Variants in METTL6 observed in about 807,000 individuals in gnomAD.
The protein encoded by METTL6 is methyltransferase 6, tRNA N3-cytidine.
A neutral mutation model predicts 26.4 loss-of-function variants in METTL6; 22 were observed. The observed-to-expected ratio is 0.83, with a 90% CI of 0.59 to 1.19. METTL6 has a LOEUF of 1.19. Ranked by LOEUF, METTL6 falls within the 50% of genes most tolerant of loss-of-function variation. The probability of loss-of-function intolerance (pLI) is 0.00; values close to 1 mark genes in which losing one functional copy is unlikely to be tolerated. For synonymous variants in METTL6, 109 were observed against 116.2 expected (o/e 0.94, Z 0.40); for missense variants, 304 against 324.8 (o/e 0.94, Z 0.49).
At chr3:15,387,083 C>A (rs547329414) in intron 6 of METTL6, among the ~76,000 whole-genome samples, 3 of 152,298 alleles carry the variant, frequency 2.0e-5, no homozygotes, top group East Asian at 1.9e-4. Flanking sequence ...CAAGCATGAG[C>A]CATGGTGCCC....
At chr3:15,422,119 A>T (rs576622514) in intron 3 of METTL6, among the ~76,000 whole-genome samples, 1 of 151,824 alleles carries the variant, frequency 6.6e-6, no homozygotes, top group South Asian at 2.1e-4. Context: ...TGAGCCCAGG[A>T]GTTTGAGAAC....
At position 15,387,713 on chromosome 3, in the gene METTL6, G is replaced by C. The variant is rs909948805; in HGVS notation, c.*12-3526C>G. ...ATTTGAGAGGGGAGTGAGGAGATGG[G>C]GAATATAGGTAATTCTGTTGAGGTA... On this transcript the variant is annotated intron_variant, in intron 6 of 6. Coordinates refer to the METTL6 transcript ENST00000443029. Among the ~76,000 whole-genome samples, 9 of 152,228 alleles carry C rather than the reference G, an allele frequency of 5.9e-5. No individual in the cohort carries two copies. The South Asian group carries it at 6.2e-4, about 11-fold the overall frequency.
At chr3:15,399,544 T>TTGTGTGTGTGTGTGTGTGTGTG (rs34014434) in intron 6 of METTL6, 1 of 118,470 alleles carries the variant, frequency 8.4e-6, no homozygotes, top group African/African-American at 3.3e-5. Flanking sequence ...CCAGGAGAAA[T>TTGTGTGTGTGTGTGTGTGTGTG]TGTGTGTGTG....
At chr3:15,386,684 T>C (rs1333834715) in intron 6 of METTL6, among the ~76,000 whole-genome samples, 4 of 152,206 alleles carry the variant, frequency 2.6e-5, no homozygotes, top group East Asian at 1.9e-4. Flanking sequence ...AGGAAGGTCA[T>C]ACACCCATTA....
intron 2 of METTL6, 51 bp downstream of exon 2, chr3:15,426,236 C>G (rs1378921830): frequency 6.4e-7 from 1 of 1,566,656 alleles, no homozygotes; most frequent in African/African-American, 1.4e-5. Flanking sequence ...ATGGCACCCT[C>G]TTCACATTTT....
chr3:15,411,368 G>T lies in METTL6; in HGVS notation c.743C>A (p.Thr248Lys). The change falls in exon 6 of 6, where the codon ACG becomes AAG. Residue 248 changes from threonine to lysine, a missense_variant. Coordinates refer to ENST00000383790, the MANE Select transcript of METTL6 (RefSeq NM_152396.4). Reference sequence around the variant, plus strand: ...ACACAGGCCTTCTTTTTTATTCACCGTCTCTCGAAACACATACTCGTTTAC... The same window carrying T: ...ACACAGGCCTTCTTTTTTATTCACCTTCTCTCGAAACACATACTCGTTTAC... ...EVVNEYVFRE[T>K]VNKKEGLCVP... is the part of the protein sequence containing the mutation. 5 of 1,614,108 alleles carry T rather than the reference G, an allele frequency of 3.1e-6. No homozygotes were observed. Among genetic ancestry groups the T allele is most frequent in the Non-Finnish European group, 4.2e-6 (5 of 1,180,008 alleles).
Position 15,425,057 on chromosome 3 carries a change from A to G in METTL6, c.258T>C (p.Ala86=), listed in dbSNP as rs2061687693. 2 of 1,614,116 alleles carry G rather than the reference A, an allele frequency of 1.2e-6. No individual in the cohort carries two copies. Among genetic ancestry groups the G allele is most frequent in the African/African-American group, 2.7e-5 (2 of 74,946 alleles). ...FEDQKLTMLE[A]GCGVGNCLFP... is the part of the protein sequence containing the mutation. ...ATAAACAGTTTCCAACCCCACAGCC[A>G]GCTTCAAGCATTGTTAACTTTTGAT... The change falls in exon 3 of 6, where the codon GCT becomes GCC. Residue 86 remains alanine, a synonymous_variant. Transcript: ENST00000383790.
chr3:15,420,610 T>C (rs2061589509), intron 3 of METTL6, among the ~76,000 whole-genome samples: 1 of 152,220 alleles, frequency 6.6e-6, no homozygotes, highest in Non-Finnish European at 1.5e-5. Flanking sequence ...CACTGTACCT[T>C]ATGTCCATGC....
chr3:15,420,026 T>C (rs1328062565), intron 3 of METTL6, among the ~76,000 whole-genome samples: 3 of 152,064 alleles, frequency 2.0e-5, no homozygotes, highest in African/African-American at 7.2e-5. Context: ...CATGCCCGGC[T>C]AATTTTTGTA....
intron 3 of METTL6, among the ~76,000 whole-genome samples, chr3:15,420,666 T>G (rs1057269987): frequency 6.6e-6 from 1 of 152,186 alleles, no homozygotes; most frequent in African/African-American, 2.4e-5. Context: ...GAAGGACAAA[T>G]GAGCCCTAAT....
chr3:15,385,212 C>T (rs1559475897), intron 6 of METTL6, among the ~76,000 whole-genome samples: 1 of 152,236 alleles, frequency 6.6e-6, no homozygotes, highest in Non-Finnish European at 1.5e-5. Flanking sequence ...CCATTATCTT[C>T]ATGTTCCTGG....
rs961209111 is a variant in METTL6, at chr3:15,389,840, G to A, written c.*12-5653C>T. On this transcript the variant is annotated intron_variant, in intron 6 of 6. Coordinates refer to the METTL6 transcript ENST00000443029. Reference sequence around the variant, plus strand: ...TGGGATTACAGGCATACGCCACCGCGCCCGGCCAATTTTTTTTTTTTTTTT... The same window carrying A: ...TGGGATTACAGGCATACGCCACCGCACCCGGCCAATTTTTTTTTTTTTTTT... Among the ~76,000 whole-genome samples, 3 of 145,340 alleles carry A rather than the reference G, an allele frequency of 2.1e-5. No homozygotes were observed. In the Admixed American group the frequency reaches 2.1e-4, roughly 10 times the overall value.
At chr3:15,397,914 C>CT (rs1699536080) in intron 6 of METTL6, among the ~76,000 whole-genome samples, 1 of 152,162 alleles carries the variant, frequency 6.6e-6, no homozygotes, top group Admixed American at 6.5e-5. Context: ...TCTTGCATGT[C>CT]TGACACCCAT....
At chr3:15,394,049 T>C (rs1699420164) in intron 6 of METTL6, among the ~76,000 whole-genome samples, 1 of 152,204 alleles carries the variant, frequency 6.6e-6, no homozygotes, top group South Asian at 2.1e-4. Context: ...TTTCTATTGA[T>C]TGGAATAGTT....
chr3:15,420,396 T>C (rs1238504299), intron 3 of METTL6, among the ~76,000 whole-genome samples: 1 of 152,228 alleles, frequency 6.6e-6, no homozygotes, highest in Non-Finnish European at 1.5e-5. Context: ...GCACAAAGTA[T>C]GTTAAAAGTA....
chr3:15,401,536 CAAAAAAAAAAA>C, intron 6 of METTL6, among the ~76,000 whole-genome samples: 1 of 71,850 alleles, frequency 1.4e-5, no homozygotes, highest in African/African-American at 5.5e-5. Flanking sequence ...ATGTTCACGC[CAAAAAAAAAAA>C]AAAAAAAAAA....
At chr3:15,425,840 A>T (rs2061707234) in intron 2 of METTL6, among the ~76,000 whole-genome samples, 1 of 152,268 alleles carries the variant, frequency 6.6e-6, no homozygotes, top group African/African-American at 2.4e-5. Flanking sequence ...TGGTGTTAAG[A>T]CCAAACAGTA....
chr3:15,395,918 G>T (rs1341123304), intron 6 of METTL6, among the ~76,000 whole-genome samples: 1 of 152,108 alleles, frequency 6.6e-6, no homozygotes, highest in Non-Finnish European at 1.5e-5. Flanking sequence ...CTCTCTGGCT[G>T]CCCTTAACAT....
chr3:15,423,022 T>C (rs913636241), intron 3 of METTL6, among the ~76,000 whole-genome samples: 5 of 152,216 alleles, frequency 3.3e-5, no homozygotes, highest in African/African-American at 7.2e-5. Flanking sequence ...AAATTTACTA[T>C]AGAAAATTGG....
Sources: allele counts gnomAD v4.1 joint callset (sites outside exome capture counted in the v4.1 genomes callset), GRCh38; gene constraint gnomAD v4.1.1; transcripts MANE v1.5; gene names NCBI Gene and HGNC (gene_info 2026-07-23, HGNC 2026-07-21).